RBBP4: variants seen among roughly 807,000 people sequenced by gnomAD.
The protein encoded by RBBP4 is histone-binding protein RBBP4.
RBBP4 carries 3 observed loss-of-function variants against 57.2 expected under a neutral mutation model. That is an observed-to-expected ratio of 0.05 (90% CI 0.02 to 0.14). The LOEUF (loss-of-function observed/expected upper bound fraction) is 0.14. RBBP4 is among the 10% of genes least tolerant of loss of function. The pLI is 1.00. For missense variants in RBBP4, 107 were observed against 520.6 expected, an observed-to-expected ratio of 0.21 and a Z score of 7.73; for synonymous variants, 151 against 171.5, an observed-to-expected ratio of 0.88 and a Z score of 0.93.
intron 3 of RBBP4, among the ~76,000 whole-genome samples, chr1:32,660,019 T>G (rs988045833): frequency 1.3e-5 from 2 of 152,226 alleles, no homozygotes; most frequent in African/African-American, 4.8e-5. Context: ...TATGTCTGTT[T>G]CTCCATGCCT....
chr1:32,678,567 C>CT (rs558897341), intron 11 of RBBP4, among the ~76,000 whole-genome samples: 1 of 43,620 alleles, frequency 2.3e-5, no homozygotes, highest in African/African-American at 8.9e-5. Context: ...TATGTGACAG[C>CT]TTTTTTTTTT....
chr1:32,675,915 A>G (rs1649084189), intron 11 of RBBP4, among the ~76,000 whole-genome samples: 2 of 151,912 alleles, frequency 1.3e-5, no homozygotes. Context: ...ATAAAGTGAG[A>G]CCGTGTCTCT....
At position 32,661,870 on chromosome 1, in the gene RBBP4, C is replaced by CTTTTTTTTTTTTTTTTTT. The variant is rs71006354; in HGVS notation, c.310+4317_310+4334dup. On this transcript the variant is annotated intron_variant, in intron 3 of 11. Transcript: ENST00000373493. Reference sequence around the variant, plus strand: ...AGTGTCTGTTCATGTCCTTTGCCCACTTTTTTTTTTTTTTTTTTTTTTTTT... The same window carrying CTTTTTTTTTTTTTTTTTT: ...AGTGTCTGTTCATGTCCTTTGCCCACTTTTTTTTTTTTTTTTTTTTTTTTTTTTTTTTTTTTTTTTTTT... Among the ~76,000 whole-genome samples, 2 of 49,308 alleles carry CTTTTTTTTTTTTTTTTTT rather than the reference C, an allele frequency of 4.1e-5. 1 individual carries two copies. Among genetic ancestry groups the CTTTTTTTTTTTTTTTTTT allele is most frequent in the African/African-American group, 1.8e-4 (2 of 11,078 alleles). The allele number at this position is 49,308 out of a possible 152,430, so 32.3% of individuals were successfully genotyped here.
At chr1:32,653,266 G>C (rs1363962456) in intron 2 of RBBP4, among the ~76,000 whole-genome samples, 3 of 152,194 alleles carry the variant, frequency 2.0e-5, no homozygotes, top group Non-Finnish European at 4.4e-5. Flanking sequence ...AAAAAACAAA[G>C]AGGAGGGTAA....
rs1357675488 is a variant in RBBP4 at position 32,684,582 on chromosome 1, G to T, written c.*4877G>T. 2.9e-6 allele frequency: 2 copies of T among 694,278 alleles called. No individual in the cohort carries two copies. Among genetic ancestry groups the T allele is most frequent in the East Asian group, 3.1e-5 (1 of 32,568 alleles). 43.0% of individuals were successfully genotyped at this position (694,278 alleles called of 1,614,324 possible). A position where few individuals can be genotyped will look rare whatever the true frequency, so the allele number is the denominator to read the frequency against. On this transcript the variant is annotated 3_prime_UTR_variant, in exon 12 of 12. Coordinates refer to ENST00000373493, the MANE Select transcript of RBBP4 (RefSeq NM_005610.3). ...AAGTGACAATGCTTTTGAAAATGAT[G>T]ACGAAAAAGGCATCTTGTCTGTTAA...
chr1:32,651,366 G>A (rs1465630991), intron 1 of RBBP4, 44 bp downstream of exon 1: 2 of 1,410,756 alleles, frequency 1.4e-6, no homozygotes, highest in Non-Finnish European at 1.8e-6. Context: ...GGGTGCCTGG[G>A]CTGAGCCGCG....
intron 8 of RBBP4, among the ~76,000 whole-genome samples, chr1:32,670,713 C>T (rs570583134): frequency 6.6e-6 from 1 of 152,180 alleles, no homozygotes; most frequent in African/African-American, 2.4e-5. Context: ...GCTGGGATTA[C>T]AGGCGTAAGC....
chr1:32,675,032 C>T (rs376889558), intron 11 of RBBP4, among the ~76,000 whole-genome samples: 41 of 150,368 alleles, frequency 2.7e-4, no homozygotes, highest in African/African-American at 9.3e-4. Context: ...CCACCGTGCC[C>T]GGCATTTTTA....
chr1:32,669,147 T>C lies in RBBP4; in HGVS notation c.761+15T>C. ...AAACTTATGATGTGAGTAGAATCCA[T>C]TCAGAGTTTCTAAATATCTTGTCTA... is the stretch of plus-strand genomic sequence containing the variant. On this transcript the variant is annotated intron_variant, in intron 6 of 11. Coordinates refer to ENST00000373493, the MANE Select transcript of RBBP4 (RefSeq NM_005610.3). This position sits in a 1 kb window ranked among gnomAD's most constrained non-coding sequence, Gnocchi z 4.9. 6.2e-7 allele frequency: 1 copy of C among 1,613,314 alleles called. No homozygotes were observed. Among genetic ancestry groups the C allele is most frequent in the East Asian group, 2.2e-5 (1 of 44,866 alleles).
Position 32,669,814 on chromosome 1 carries a change from C to G in RBBP4, c.966+251C>G, listed in dbSNP as rs974656321. On this transcript the variant is annotated intron_variant, in intron 8 of 11. Coordinates refer to ENST00000373493, the MANE Select transcript of RBBP4 (RefSeq NM_005610.3). The surrounding 1 kb of genome is among the most constrained non-coding windows in gnomAD (Gnocchi z 4.9). Reference sequence around the variant, plus strand: ...CTGAGGCAGGAGAATGGCATGAAACCCGGGAGGCAGAGGTTGCAGTGAGCC... The same window carrying G: ...CTGAGGCAGGAGAATGGCATGAAACGCGGGAGGCAGAGGTTGCAGTGAGCC... 5.9e-5 allele frequency among the ~76,000 whole-genome samples: 9 copies of G among 152,082 alleles called. No homozygotes were observed. Among genetic ancestry groups the G allele is most frequent in the African/African-American group, 2.2e-4 (9 of 41,398 alleles).
intron 3 of RBBP4, among the ~76,000 whole-genome samples, chr1:32,667,845 A>G (rs1331834671): frequency 6.6e-6 from 1 of 152,196 alleles, no homozygotes. Flanking sequence ...AAATGTCTCT[A>G]GATTACCTAT....
At chr1:32,679,532 A>G (rs1047852067) in intron 11 of RBBP4, 108 bp from the exon 12 acceptor site, 1 of 986,200 alleles carries the variant, frequency 1.0e-6, no homozygotes, top group African/African-American at 1.7e-5. Context: ...GTGTGGCCCA[A>G]AAGCTATAAA....
rs754891329 is a variant in RBBP4, at chr1:32,684,489, C to T, written c.*4784C>T. The T allele has an allele frequency of 2.2e-4, 329 of 1,502,584 alleles. No homozygotes were observed. Among genetic ancestry groups the T allele is most frequent in the Non-Finnish European group, 2.9e-4 (322 of 1,104,478 alleles). 93.1% of individuals were successfully genotyped at this position (1,502,584 alleles called of 1,614,324 possible). A position where few individuals can be genotyped will look rare whatever the true frequency, so the allele number is the denominator to read the frequency against. On this transcript the variant is annotated 3_prime_UTR_variant, in exon 12 of 12. Transcript: ENST00000373493. ...TTTGTTCATTGTTTAATCTTGATAG[C>T]AGTATTGAGGCTGGTATTTATATGA... is the stretch of plus-strand genomic sequence containing the variant.
chr1:32,661,166 G>A (rs1033851261), intron 3 of RBBP4, among the ~76,000 whole-genome samples: 2 of 152,072 alleles, frequency 1.3e-5, no homozygotes, highest in African/African-American at 2.4e-5. Context: ...GTTGATTTCC[G>A]TATCTTTGGT....
chr1:32,654,913 T>C (rs560440586), intron 2 of RBBP4, among the ~76,000 whole-genome samples: 1 of 152,288 alleles, frequency 6.6e-6, no homozygotes, highest in East Asian at 1.9e-4. Context: ...CAGGCTGGTC[T>C]TGAACTCCTG....
intron 11 of RBBP4, chr1:32,673,313 T>G (rs1296906575): frequency 3.2e-6 from 1 of 315,404 alleles, no homozygotes; most frequent in African/African-American, 2.2e-5. Context: ...AGTACAAATT[T>G]ACATACCCAA....
In RBBP4 at chr1:32,684,045, G is replaced by T; in HGVS notation, c.*4340G>T. On this transcript the variant is annotated 3_prime_UTR_variant, in exon 12 of 12. Transcript: ENST00000373493. ...TGTCTCCATTCCACCTGCCTGAGAA[G>T]TGGGAGCATCAGCCTGTTCCAGGCT... The T allele has an allele frequency of 6.2e-7, 1 of 1,614,244 alleles. No individual in the cohort carries two copies. Among genetic ancestry groups the T allele is most frequent in the East Asian group, 2.2e-5 (1 of 44,894 alleles).
At chr1:32,665,866 T>TA (rs1318854443) in intron 3 of RBBP4, among the ~76,000 whole-genome samples, 3 of 152,180 alleles carry the variant, frequency 2.0e-5, no homozygotes, top group Non-Finnish European at 4.4e-5. Context: ...GTCTGACTCT[T>TA]ACTTTGGAAC....
At chr1:32,667,416 T>C (rs1648701054) in intron 3 of RBBP4, among the ~76,000 whole-genome samples, 1 of 152,154 alleles carries the variant, frequency 6.6e-6, no homozygotes, top group African/African-American at 2.4e-5. Flanking sequence ...TTGCTTGACC[T>C]TATCAATCAC....
Sources: allele counts gnomAD v4.1 joint callset (sites outside exome capture counted in the v4.1 genomes callset), GRCh38; gene constraint gnomAD v4.1.1; non-coding constraint Gnocchi (gnomAD v3.1); transcripts MANE v1.5; gene names NCBI Gene and HGNC (gene_info 2026-07-23, HGNC 2026-07-21).